Variants in SDK1 observed in about 807,000 individuals in gnomAD.
SDK1 encodes the protein protein sidekick-1.
Under a neutral mutation model 245.5 loss-of-function variants are expected in SDK1, and 157 were observed. The ratio of observed to expected loss-of-function variants is 0.64; its 90% confidence interval spans 0.56 to 0.73. The LOEUF is 0.73. SDK1 is among the 30% of genes least tolerant of loss of function. SDK1 has a pLI of 0.00. For missense variants in SDK1, 3,583 were observed against 3,002.3 expected (o/e 1.19, Z -4.52); for synonymous variants, 1,647 against 1,278.5 (o/e 1.29, Z -6.15).
In SDK1 at chr7:3,301,527, TCCCGCCTGTCCTG is replaced by T. The variant is rs1198381753; in HGVS notation, c.-53_-41del. On this transcript the variant is annotated 5_prime_UTR_variant, in exon 1 of 45. Transcript: ENST00000404826. ...GAGTGGCCGCGCCCGCTCGGAGCCG[TCCCGCCTGTCCTG>T]CCCGCCCGTCCGTCCGGCGCGGCGC... 3 of 608,918 alleles carry T rather than the reference TCCCGCCTGTCCTG, an allele frequency of 4.9e-6. No individual in the cohort carries two copies. The highest frequency in any genetic ancestry group is 6.1e-6 in the Non-Finnish European group (3 of 491,180). 37.7% of individuals were successfully genotyped at this position (608,918 alleles called of 1,614,324 possible). A position where few individuals can be genotyped will look rare whatever the true frequency, so the allele number is the denominator to read the frequency against.
intron 1 of SDK1, among the ~76,000 whole-genome samples, chr7:3,571,203 CTT>C (rs1447447726): frequency 6.6e-6 from 1 of 152,010 alleles, no homozygotes; most frequent in Non-Finnish European, 1.5e-5. Context: ...ATTTTAAAAA[CTT>C]ATCCTAGCTA....
chr7:3,625,316 C>G (rs866131024), intron 2 of SDK1, among the ~76,000 whole-genome samples: 3 of 152,102 alleles, frequency 2.0e-5, no homozygotes, highest in African/African-American at 7.2e-5. Context: ...ATAAAAGATA[C>G]AAAATTTTTA....
intron 44 of SDK1, among the ~76,000 whole-genome samples, chr7:4,251,490 C>A (rs1787292657): frequency 6.6e-6 from 1 of 152,198 alleles, no homozygotes; most frequent in African/African-American, 2.4e-5. Context: ...TTTACCATAG[C>A]CTTGCACTTA....
chr7:4,078,746 G>A (rs1363398517), intron 21 of SDK1, among the ~76,000 whole-genome samples: 2 of 152,208 alleles, frequency 1.3e-5, no homozygotes, highest in Non-Finnish European at 2.9e-5. Flanking sequence ...TTGGGGAGCG[G>A]CATCTGAAGG....
intron 22 of SDK1, among the ~76,000 whole-genome samples, chr7:4,087,426 C>T (rs940163860): frequency 6.6e-6 from 1 of 152,072 alleles, no homozygotes; most frequent in African/African-American, 2.4e-5. Context: ...GCTTTAATAT[C>T]TGGTGAGGCC....
intron 31 of SDK1, among the ~76,000 whole-genome samples, chr7:4,161,529 A>T (rs899288415): frequency 1.3e-5 from 2 of 152,064 alleles, no homozygotes; most frequent in Non-Finnish European, 2.9e-5. Context: ...TGGCTCTCGG[A>T]ATGTCCACCA....
intron 1 of SDK1, among the ~76,000 whole-genome samples, chr7:3,433,959 A>G (rs956687659): frequency 9.2e-5 from 14 of 152,188 alleles, no homozygotes; most frequent in African/African-American, 3.4e-4. Context: ...TACTTTGCGC[A>G]TAACTACCGC....
chr7:4,100,807 G>T (rs942927950), intron 22 of SDK1, among the ~76,000 whole-genome samples: 2 of 152,212 alleles, frequency 1.3e-5, no homozygotes, highest in Non-Finnish European at 2.9e-5. Context: ...GGAGAGGGAG[G>T]CTGGACCGCT....
chr7:3,962,159 G>A (rs1330177947), intron 8 of SDK1, among the ~76,000 whole-genome samples: 2 of 152,178 alleles, frequency 1.3e-5, no homozygotes, highest in African/African-American at 4.8e-5. Context: ...TCACTAACCT[G>A]CATGTGAGGA....
intron 1 of SDK1, among the ~76,000 whole-genome samples, chr7:3,535,744 C>A (rs924278286): frequency 6.6e-6 from 1 of 152,034 alleles, no homozygotes; most frequent in Non-Finnish European, 1.5e-5. Flanking sequence ...GTTGAAAATA[C>A]ATAAATACAT....
chr7:3,686,949 G>A (rs968689117), intron 4 of SDK1, among the ~76,000 whole-genome samples: 2 of 152,014 alleles, frequency 1.3e-5, no homozygotes, highest in Admixed American at 1.3e-4. Flanking sequence ...TGAGTGCCCA[G>A]TAAGGGAAGT....
intron 32 of SDK1, among the ~76,000 whole-genome samples, chr7:4,162,272 A>G (rs1406352054): frequency 1.1e-4 from 16 of 152,112 alleles, no homozygotes; most frequent in Admixed American, 1.0e-3. Flanking sequence ...GCTTTTCTAG[A>G]GAAGTCATCT....
At chr7:3,548,301 C>G (rs1010742961) in intron 1 of SDK1, among the ~76,000 whole-genome samples, 4 of 152,074 alleles carry the variant, frequency 2.6e-5, no homozygotes, top group African/African-American at 4.8e-5. Flanking sequence ...GAACCCTTCC[C>G]ACACTGTATA....
chr7:3,427,939 A>G (rs902089412), intron 1 of SDK1, among the ~76,000 whole-genome samples: 2 of 151,458 alleles, frequency 1.3e-5, no homozygotes, highest in African/African-American at 4.9e-5. Flanking sequence ...ATAGTCAGCT[A>G]TTTCTTCTCT....
intron 1 of SDK1, among the ~76,000 whole-genome samples, chr7:3,548,296 C>T (rs1221191004): frequency 6.6e-6 from 1 of 152,088 alleles, no homozygotes; most frequent in Non-Finnish European, 1.5e-5. Context: ...TGTAGGAACC[C>T]TTCCCACACT....
At chr7:4,045,536 A>G (rs1006908542) in intron 17 of SDK1, among the ~76,000 whole-genome samples, 6 of 152,080 alleles carry the variant, frequency 3.9e-5, no homozygotes, top group African/African-American at 1.4e-4. Context: ...GTGAGCCACT[A>G]TGCCCCGCTT....
At position 4,079,455 on chromosome 7, in the gene SDK1, C is replaced by T. The variant is rs779193354; in HGVS notation, c.3203-8C>T. The T allele has an allele frequency of 6.2e-6, 10 of 1,613,992 alleles. No homozygotes were observed. The highest frequency in any genetic ancestry group is 1.7e-4 in the Middle Eastern group (1 of 6,060). Reference sequence around the variant, plus strand: ...AATCTCTCCCTTTCCTCCCTGGTTCCTCTCTAGACCTTCCTGGTGCCCCAT... The same window carrying T: ...AATCTCTCCCTTTCCTCCCTGGTTCTTCTCTAGACCTTCCTGGTGCCCCAT... On this transcript the variant is annotated splice_region_variant and splice_polypyrimidine_tract_variant and intron_variant, in intron 21 of 44. Transcript: ENST00000404826.
At chr7:3,938,601 G>A (rs1016261557) in intron 5 of SDK1, among the ~76,000 whole-genome samples, 26 of 147,792 alleles carry the variant, frequency 1.8e-4, no homozygotes, top group Non-Finnish European at 2.9e-4. Flanking sequence ...AGCCAAGATC[G>A]CGACACTGCA....
intron 5 of SDK1, among the ~76,000 whole-genome samples, chr7:3,850,079 C>T (rs1006118103): frequency 1.3e-5 from 2 of 152,188 alleles, no homozygotes; most frequent in East Asian, 3.9e-4. Flanking sequence ...GGCTTCTATA[C>T]TTACAAGGTA....
Sources: gnomAD v4.1 joint callset for allele counts (sites outside exome capture counted in the v4.1 genomes callset) on GRCh38, gnomAD v4.1.1 for gene constraint, MANE v1.5 for transcripts, NCBI Gene and HGNC (gene_info 2026-07-23, HGNC 2026-07-21) for gene names.